The following URB1 variants were observed in gnomAD, a reference collection of about 807,000 sequenced individuals.
URB1 encodes URB1 ribosome biogenesis factor, also known as nucleolar pre-ribosomal-associated protein 1.
A neutral mutation model predicts 242.3 loss-of-function variants in URB1; 197 were observed. That is an observed-to-expected ratio of 0.81 (90% CI 0.72 to 0.91). The LOEUF (loss-of-function observed/expected upper bound fraction) is 0.91. Among genes scored for constraint, URB1 ranks in the 40% least tolerant of loss-of-function variants. URB1 has a pLI of 0.00. For synonymous variants in URB1, 1,153 were observed against 1,201.8 expected, an observed-to-expected ratio of 0.96 and a Z score of 0.84; for missense variants, 2,721 against 2,860.5, an observed-to-expected ratio of 0.95 and a Z score of 1.11.
chr21:32,376,457 A>G (rs2033459663), intron 5 of URB1, among the ~76,000 whole-genome samples: 1 of 152,228 alleles, frequency 6.6e-6, no homozygotes, highest in Non-Finnish European at 1.5e-5. Flanking sequence ...CAGACAAACC[A>G]AAAGAATAAG....
intron 15 of URB1, 147 bp downstream of exon 15, chr21:32,357,390 A>T: frequency 1.1e-6 from 1 of 890,424 alleles, no homozygotes; most frequent in Non-Finnish European, 1.5e-6. Context: ...AAGACACAAT[A>T]AATTAAACTG....
At chr21:32,372,075 GC>G (rs1444569227) in intron 8 of URB1, among the ~76,000 whole-genome samples, 2 of 152,160 alleles carry the variant, frequency 1.3e-5, no homozygotes, top group Non-Finnish European at 2.9e-5. Flanking sequence ...TGCAACCTCT[GC>G]CATTTAACCA....
Position 32,350,751 on chromosome 21 carries a change from TG to T in URB1, c.2784del (p.Lys929SerfsTer113). 1 of 1,551,486 alleles carries T rather than the reference TG, an allele frequency of 6.4e-7. No individual in the cohort carries two copies. Among genetic ancestry groups the T allele is most frequent in the Non-Finnish European group, 8.7e-7 (1 of 1,147,000 alleles). ...CTCCGCAGGTAGAGCAACACCTGCT[TG>T]GCCGCGAGCAGGACCTGCTGCATGG... ...HLSMQQVLLAAKQVLLYLRST... is the reference protein window; with the variant it reads ...HLSMQQVLLAXKQVLLYLRST... On this transcript the variant is annotated frameshift_variant, in exon 20 of 39. Coordinates refer to ENST00000382751, the MANE Select transcript of URB1 (RefSeq NM_014825.3). LOFTEE classifies it high-confidence loss of function.
At chr21:32,337,196 C>T (rs1014934884) in intron 27 of URB1, 39 bp from the exon 28 acceptor site, 1 of 1,545,942 alleles carries the variant, frequency 6.5e-7, no homozygotes, top group Non-Finnish European at 8.8e-7. Context: ...AAGATGAACC[C>T]CTGACACCCT....
At chr21:32,332,197 G>A (rs2032900909) in intron 30 of URB1, among the ~76,000 whole-genome samples, 1 of 152,100 alleles carries the variant, frequency 6.6e-6, no homozygotes, top group South Asian at 2.1e-4. Context: ...TAAATTTAAA[G>A]AGTAAAACTA....
At chr21:32,321,685 T>C in intron 34 of URB1, 116 bp downstream of exon 34, 1 of 1,433,836 alleles carries the variant, frequency 7.0e-7, no homozygotes, top group Non-Finnish European at 9.3e-7. Flanking sequence ...AGAGCCAGGG[T>C]TAGGTCGGTC....
intron 12 of URB1, 48 bp from the exon 13 acceptor site, chr21:32,361,171 GAA>G (rs775268442): frequency 6.6e-5 from 43 of 655,382 alleles, no homozygotes; most frequent in African/African-American, 6.5e-4. Flanking sequence ...AAGAAAGAAA[GAA>G]AGAAAGAAAG....
rs2146059184 is a variant in URB1 at position 32,388,807 on chromosome 21, AG to A, written c.143-3124del. Among the ~76,000 whole-genome samples, 2 of 152,320 alleles carry A rather than the reference AG, an allele frequency of 1.3e-5. 1 individual carries two copies. The highest frequency in any genetic ancestry group is 4.1e-4 in the South Asian group (2 of 4,828). On this transcript the variant is annotated intron_variant, in intron 1 of 38. Transcript: ENST00000382751. The stretch of plus-strand genomic sequence containing the variant: ...TAGCATGTAACTCTGAGCATTCCAG[AG>A]TATTACAGGGTGGAAACTGCTGGCC...
At chr21:32,341,289 A>C (rs1462309220) in intron 25 of URB1, among the ~76,000 whole-genome samples, 177 bp downstream of exon 25, 2 of 152,232 alleles carry the variant, frequency 1.3e-5, no homozygotes, top group Admixed American at 6.5e-5. Flanking sequence ...TCATCATCAG[A>C]AGCACCCTGT....
rs2032569573 is a variant in URB1 at position 32,311,477 on chromosome 21, T to C, written c.*3441A>G. The stretch of plus-strand genomic sequence containing the variant: ...CTCCAGGGAAAGACCTGAGGCCTAG[T>C]TCCTGACAAAGCACTTCCTCTCCTC... On this transcript the variant is annotated 3_prime_UTR_variant, in exon 39 of 39. Coordinates refer to ENST00000382751, the MANE Select transcript of URB1 (RefSeq NM_014825.3). 1.7e-5 allele frequency: 6 copies of C among 346,336 alleles called. No homozygotes were observed. The highest frequency in any genetic ancestry group is 4.7e-5 in the African/African-American group (2 of 42,510). 21.5% of individuals were successfully genotyped at this position (346,336 alleles called of 1,614,324 possible).
At chr21:32,367,493 T>C (rs763802730) in intron 9 of URB1, among the ~76,000 whole-genome samples, 9 of 152,194 alleles carry the variant, frequency 5.9e-5, no homozygotes, top group African/African-American at 9.6e-5. Flanking sequence ...CAGGCCCAGG[T>C]AGAGGCACAA....
At position 32,350,829 on chromosome 21, in the gene URB1, G is replaced by C. The variant is rs746205374; in HGVS notation, c.2707C>G (p.Leu903Val). Reference sequence around the variant, plus strand: ...TGCACCTGGATGTGCTCGTCCCGAAGCGCTTGGCTCTCGTAGGCTGCCTGC... The same window carrying C: ...TGCACCTGGATGTGCTCGTCCCGAACCGCTTGGCTCTCGTAGGCTGCCTGC... The part of the protein sequence containing the change: ...LLQAAYESQA[L>V]RDEHIQVQLQ... The change falls in exon 20 of 39, where the codon CTT becomes GTT. Residue 903 changes from leucine (L) to valine (V), a missense_variant. Coordinates refer to ENST00000382751, the MANE Select transcript of URB1 (RefSeq NM_014825.3). The C allele has an allele frequency of 6.4e-7, 1 of 1,551,282 alleles. No individual in the cohort carries two copies. Among genetic ancestry groups the C allele is most frequent in the African/African-American group, 1.4e-5 (1 of 73,060 alleles).
Position 32,314,826 on chromosome 21 carries a change from C to G in URB1, c.*92G>C. On this transcript the variant is annotated 3_prime_UTR_variant, in exon 39 of 39. Coordinates refer to ENST00000382751, the MANE Select transcript of URB1 (RefSeq NM_014825.3). ...CTGAACCTGTTGTTTCCCATGCCTT[C>G]TCTGGAAACCCTTGACTCAACCAAA... The G allele has an allele frequency of 6.7e-7, 1 of 1,499,784 alleles. No individual in the cohort carries two copies. The highest frequency in any genetic ancestry group is 8.9e-7 in the Non-Finnish European group (1 of 1,117,506). 92.9% of individuals were successfully genotyped at this position (1,499,784 alleles called of 1,614,324 possible). A position where few individuals can be genotyped will look rare whatever the true frequency, so the allele number is the denominator to read the frequency against.
chr21:32,362,770 G>C (rs372408567), intron 11 of URB1, among the ~76,000 whole-genome samples: 2 of 152,112 alleles, frequency 1.3e-5, no homozygotes, highest in African/African-American at 4.8e-5. Context: ...CCTTCTCACT[G>C]GGCCACAGTG....
chr21:32,349,370 G>A lies in URB1; in HGVS notation c.2946C>T (p.Ala982=), dbSNP rs902172656. 1.4e-5 allele frequency: 22 copies of A among 1,551,412 alleles called. No homozygotes were observed. Among genetic ancestry groups the A allele is most frequent in the Middle Eastern group, 3.3e-4 (2 of 6,012 alleles). Residue 982 remains alanine (A), a synonymous_variant, in exon 21 of 39, where the codon GCC becomes GCT. Transcript: ENST00000382751. ...DAQNQQRCEA[A]RAEADLFLDM... is the part of the protein sequence containing the mutation. The stretch of plus-strand genomic sequence containing the variant: ...CCAGGAAGAGGTCGGCTTCGGCCCG[G>A]GCGGCCTCGCATCTCTGCTGGTTCT...
intron 31 of URB1, among the ~76,000 whole-genome samples, 194 bp downstream of exon 31, chr21:32,325,035 G>C (rs930575696): frequency 6.6e-6 from 1 of 152,096 alleles, no homozygotes; most frequent in Non-Finnish European, 1.5e-5. Context: ...ACCTCCACGG[G>C]GGGTTGTGGA....
intron 34 of URB1, 90 bp from the exon 35 acceptor site, chr21:32,320,730 C>T: frequency 1.1e-6 from 1 of 936,874 alleles, no homozygotes; most frequent in South Asian, 1.4e-5. Context: ...TGGTATGGTG[C>T]CATTACAGGT....
chr21:32,383,558 C>G lies in URB1; in HGVS notation c.435-4G>C. On this transcript the variant is annotated splice_region_variant and splice_polypyrimidine_tract_variant and intron_variant, in intron 3 of 38. Transcript: ENST00000382751. ...GCTCAGGCAGGCGCGAGCCAACCTGCACAGGGAACCAGAGGAAATCGGACA... is the reference window on the plus strand; with the variant it reads ...GCTCAGGCAGGCGCGAGCCAACCTGGACAGGGAACCAGAGGAAATCGGACA... 2 of 1,550,166 alleles carry G rather than the reference C, an allele frequency of 1.3e-6. No homozygotes were observed. The highest frequency in any genetic ancestry group is 1.7e-6 in the Non-Finnish European group (2 of 1,146,476).
chr21:32,322,666 C>G lies in URB1; in HGVS notation c.5234-82G>C, dbSNP rs76475568. On this transcript the variant is annotated intron_variant, in intron 32 of 38. Coordinates refer to ENST00000382751, the MANE Select transcript of URB1 (RefSeq NM_014825.3). Reference sequence around the variant, plus strand: ...CTGGCAGCACTAAGAGGCAGGCATTCTGGGTATCAGACATAAATCCCCTCC... The same window carrying G: ...CTGGCAGCACTAAGAGGCAGGCATTGTGGGTATCAGACATAAATCCCCTCC... The G allele has an allele frequency of 2.0e-3, 1,998 of 998,450 alleles. 32 individuals are homozygous for G. The African/African-American group carries it at 0.029, about 15-fold the overall frequency. 61.8% of individuals were successfully genotyped at this position (998,450 alleles called of 1,614,324 possible). A position where few individuals can be genotyped will look rare whatever the true frequency, so the allele number is the denominator to read the frequency against.
Sources: allele counts gnomAD v4.1 joint callset (sites outside exome capture counted in the v4.1 genomes callset), GRCh38; gene constraint gnomAD v4.1.1; transcripts MANE v1.5; gene names NCBI Gene and HGNC (gene_info 2026-07-23, HGNC 2026-07-21).